The following CD5 variants were observed in gnomAD, a reference collection of about 807,000 sequenced individuals.
CD5 encodes T-cell surface glycoprotein CD5.
A neutral mutation model predicts 60.3 loss-of-function variants in CD5; 36 were observed. That is an observed-to-expected ratio of 0.60 (90% CI 0.46 to 0.79). The LOEUF (loss-of-function observed/expected upper bound fraction) is 0.79, where lower values mean the gene tolerates loss of function less well. CD5 is among the 30% of genes least tolerant of loss of function. The pLI, the probability that CD5 is intolerant of heterozygous loss-of-function variation, is 0.00. For synonymous variants in CD5, 230 were observed against 257.6 expected, an observed-to-expected ratio of 0.89 and a Z score of 1.03; for missense variants, 540 against 630.6, an observed-to-expected ratio of 0.86 and a Z score of 1.54.
intron 2 of CD5, among the ~76,000 whole-genome samples, chr11:61,116,521 CCACA>C (rs1396886605): frequency 5.7e-5 from 6 of 105,822 alleles, no homozygotes; most frequent in African/African-American, 1.9e-4. Flanking sequence ...ACACACACCA[CCACA>C]CACACACCCC....
Position 61,121,849 on chromosome 11 carries a change from C to A in CD5, c.1044C>A (p.Ser348=). 1 of 1,575,970 alleles carries A rather than the reference C, an allele frequency of 6.3e-7. No homozygotes were observed. Among genetic ancestry groups the A allele is most frequent in the Non-Finnish European group, 8.7e-7 (1 of 1,155,244 alleles). ...TCTTCTGTCCCCATCAGAAGCTGTCCCAGTGCCACGAACTTTGGGAGAGAA... is the reference window on the plus strand; with the variant it reads ...TCTTCTGTCCCCATCAGAAGCTGTCACAGTGCCACGAACTTTGGGAGAGAA... ...RGLFCPHQKL[S]QCHELWERNS... is the part of the protein sequence containing the mutation. Residue 348 remains serine, a synonymous_variant, in exon 6 of 11, where the codon TCC becomes TCA. Coordinates refer to ENST00000347785, the MANE Select transcript of CD5 (RefSeq NM_014207.4).
At position 61,118,507 on chromosome 11, in the gene CD5, A is replaced by T; in HGVS notation, c.400+27A>T. On this transcript the variant is annotated intron_variant, in intron 3 of 10. Transcript: ENST00000347785. This position sits in a 1 kb window ranked among gnomAD's most constrained non-coding sequence, Gnocchi z 4.7. ...TGGGTAACTAGCCAGCCACACGGGC[A>T]CCCTGGGCCTGGGCGCCAGCCCCGA... 6.2e-7 allele frequency: 1 copy of T among 1,603,568 alleles called. No individual in the cohort carries two copies. The highest frequency in any genetic ancestry group is 1.1e-5 in the South Asian group (1 of 90,234).
intron 2 of CD5, 73 bp downstream of exon 2, chr11:61,115,167 G>A: frequency 7.2e-7 from 1 of 1,392,170 alleles, no homozygotes; most frequent in Non-Finnish European, 9.9e-7. Context: ...AGGCCATCGG[G>A]GACCTCTCGA....
At position 61,121,817 on chromosome 11, in the gene CD5, C is replaced by G. The variant is rs62641695; in HGVS notation, c.1012C>G (p.Arg338Gly). The change falls in exon 6 of 11, where the codon CGG becomes GGG. Residue 338 changes from arginine (R) to glycine (G), a missense_variant. Coordinates refer to ENST00000347785, the MANE Select transcript of CD5 (RefSeq NM_014207.4). ...GCTGGACGCTGGTGACCCAACATCCCGGGGGCTCTTCTGTCCCCATCAGAA... is the reference window on the plus strand; with the variant it reads ...GCTGGACGCTGGTGACCCAACATCCGGGGGGCTCTTCTGTCCCCATCAGAA... ...RVLDAGDPTS[R>G]GLFCPHQKLS... The G allele has an allele frequency of 6.2e-7, 1 of 1,608,198 alleles. No homozygotes were observed. The highest frequency in any genetic ancestry group is 8.5e-7 in the Non-Finnish European group (1 of 1,175,792).
chr11:61,123,112 G>T lies in CD5; in HGVS notation c.1225+80G>T, dbSNP rs374622426. 3.5e-6 allele frequency: 5 copies of T among 1,447,220 alleles called. No individual in the cohort carries two copies. The South Asian group carries it at 7.0e-5, about 20-fold the overall frequency. The allele number at this position is 1,447,220 out of a possible 1,614,324, so 89.6% of individuals were successfully genotyped here. A position where few individuals can be genotyped will look rare whatever the true frequency, so the allele number is the denominator to read the frequency against. On this transcript the variant is annotated intron_variant, in intron 7 of 10. Coordinates refer to ENST00000347785, the MANE Select transcript of CD5 (RefSeq NM_014207.4). ...TGCACTAGAGTCCTCCGGAGGAGGG[G>T]TCATGCCTCCAGAGAGCTGGGCACG...
At chr11:61,115,136 G>A in intron 2 of CD5, 42 bp downstream of exon 2, 1 of 1,533,052 alleles carries the variant, frequency 6.5e-7, no homozygotes, top group East Asian at 2.5e-5. Flanking sequence ...GGCAGGGGGA[G>A]AGTGGGGCTG....
At chr11:61,113,674 T>C (rs1194236250) in intron 1 of CD5, among the ~76,000 whole-genome samples, 1 of 152,218 alleles carries the variant, frequency 6.6e-6, no homozygotes, top group Non-Finnish European at 1.5e-5. Flanking sequence ...TCTTTCCTTT[T>C]TTTTTTCTTG....
At chr11:61,097,174 A>G in the CD5 span, among the ~76,000 whole-genome samples, 11 of 152,220 alleles carry the variant, frequency 7.2e-5, no homozygotes, top group Middle Eastern at 3.2e-3. Context: ...CACGTAGCCC[A>G]GTCTCTCAAT....
chr11:61,113,282 G>A (rs901492428), intron 1 of CD5, among the ~76,000 whole-genome samples: 1 of 152,210 alleles, frequency 6.6e-6, no homozygotes, highest in Admixed American at 6.5e-5. Flanking sequence ...TTGAAGCCAC[G>A]TGAGCTTGCT....
Position 61,118,862 on chromosome 11 carries a change from C to G in CD5, c.401-53C>G. The G allele has an allele frequency of 7.3e-7, 1 of 1,374,748 alleles. No homozygotes were observed. Among genetic ancestry groups the G allele is most frequent in the Non-Finnish European group, 1.0e-6 (1 of 967,942 alleles). 85.2% of individuals were successfully genotyped at this position (1,374,748 alleles called of 1,614,324 possible). On this transcript the variant is annotated intron_variant, in intron 3 of 10. Coordinates refer to ENST00000347785, the MANE Select transcript of CD5 (RefSeq NM_014207.4). The surrounding 1 kb of genome is among the most constrained non-coding windows in gnomAD (Gnocchi z 4.7). ...GGTCCTCTCAAGGCTGCTGGCTGCC[C>G]CCGGCCCTCCCCACACCACCCATTC... is the stretch of plus-strand genomic sequence containing the variant.
chr11:61,101,909 TCTACACAC>T (rs1158681309), upstream of CD5, among the ~76,000 whole-genome samples: 1 of 131,036 alleles, frequency 7.6e-6, no homozygotes, highest in Non-Finnish European at 1.6e-5. Flanking sequence ...TCTCTCTCTC[TCTACACAC>T]ACACACACAC....
At chr11:61,116,648 CCACACACACCA>C (rs1860961247) in intron 2 of CD5, among the ~76,000 whole-genome samples, 1 of 131,588 alleles carries the variant, frequency 7.6e-6, no homozygotes, top group African/African-American at 3.1e-5. Flanking sequence ...CACACACACC[CCACACACACCA>C]CACACACCAC....
intron 1 of CD5, among the ~76,000 whole-genome samples, chr11:61,103,646 TGGG>T (rs1282977835): frequency 3.1e-5 from 4 of 127,376 alleles, no homozygotes; most frequent in South Asian, 2.5e-4. Flanking sequence ...AGAACTGTGT[TGGG>T]GGGTAATGTG....
rs1860997250 is a variant in CD5, at chr11:61,118,469, T to G, written c.389T>G (p.Leu130Arg). The G allele has an allele frequency of 1.9e-6, 3 of 1,613,990 alleles. No homozygotes were observed. Among genetic ancestry groups the G allele is most frequent in the Non-Finnish European group, 2.5e-6 (3 of 1,179,892 alleles). The stretch of plus-strand genomic sequence containing the variant: ...AATGACATGTGTCACTCTCTGGGCC[T>G]GACCTGCTTAGGTGGGTAACTAGCC... Reference protein sequence around the residue: ...SRNDMCHSLGLTCLEPQKTTP... With the variant: ...SRNDMCHSLGRTCLEPQKTTP... The change falls in exon 3 of 11, where the codon CTG becomes CGG. Residue 130 changes from leucine (L) to arginine (R), a missense_variant. Leu to Arg is a moderately radical substitution (Grantham distance 102). Coordinates refer to ENST00000347785, the MANE Select transcript of CD5 (RefSeq NM_014207.4). The surrounding 1 kb of genome is among the most constrained non-coding windows in gnomAD (Gnocchi z 4.7).
chr11:61,117,932 G>A (rs903862631), intron 2 of CD5, among the ~76,000 whole-genome samples: 7 of 152,224 alleles, frequency 4.6e-5, no homozygotes, highest in African/African-American at 1.7e-4. Context: ...ATTTATCTGA[G>A]CTCCCTTCTG....
the CD5 span, among the ~76,000 whole-genome samples, chr11:61,095,107 G>C: frequency 1.3e-5 from 2 of 152,142 alleles, no homozygotes; most frequent in African/African-American, 4.8e-5. Flanking sequence ...CCCAACACCA[G>C]AAGAGTCACA....
At chr11:61,120,219 A>G (rs879621091) in intron 5 of CD5, among the ~76,000 whole-genome samples, 1 of 152,192 alleles carries the variant, frequency 6.6e-6, no homozygotes, top group Non-Finnish European at 1.5e-5. Flanking sequence ...GAAGAAAACT[A>G]AAGGGAAGAA....
rs200479488 is a variant in CD5, at chr11:61,121,669, C to G, written c.864C>G (p.Thr288=). Reference sequence around the variant, plus strand: ...GGGGCAGCAGCATCTGTGAAGGCACCGTGGAGGTGCGCCAGGGGGCTCAGT... The same window carrying G: ...GGGGCAGCAGCATCTGTGAAGGCACGGTGGAGGTGCGCCAGGGGGCTCAGT... ...LVGGSSICEG[T]VEVRQGAQWA... Residue 288 remains threonine, a synonymous_variant, in exon 6 of 11, where the codon ACC becomes ACG. Transcript: ENST00000347785. 723 of 1,578,822 alleles carry G rather than the reference C, an allele frequency of 4.6e-4. 8 individuals are homozygous for G. In the South Asian group the frequency reaches 7.9e-3, roughly 17 times the overall value.
intron 9 of CD5, 127 bp from the exon 10 acceptor site, chr11:61,125,624 A>G: frequency 1.7e-6 from 1 of 598,300 alleles, no homozygotes; most frequent in South Asian, 2.2e-5. Flanking sequence ...ATCAAAACAG[A>G]TAAGGGGTTG....
Sources: allele counts gnomAD v4.1 joint callset (sites outside exome capture counted in the v4.1 genomes callset), GRCh38; gene constraint gnomAD v4.1.1; non-coding constraint Gnocchi (gnomAD v3.1); transcripts MANE v1.5; gene names NCBI Gene and HGNC (gene_info 2026-07-23, HGNC 2026-07-21).